The following SEM1 variants were observed in gnomAD, a reference collection of about 807,000 sequenced individuals.
SEM1 encodes 26S proteasome complex subunit SEM1.
A neutral mutation model predicts 12.7 loss-of-function variants in SEM1; 3 were observed. The ratio of observed to expected loss-of-function variants is 0.24; its 90% confidence interval spans 0.11 to 0.61. The LOEUF (loss-of-function observed/expected upper bound fraction) is 0.61, where lower values mean the gene tolerates loss of function less well. Among genes scored for constraint, SEM1 ranks in the 20% least tolerant of loss-of-function variants. SEM1 has a pLI of 0.88. For missense variants in SEM1, 59 were observed against 81.3 expected (o/e 0.73, Z 1.06); for synonymous variants, 30 against 27.8 (o/e 1.08, Z -0.25).
chr7:96,565,509 G>T (rs1805819438), intron 2 of SEM1, among the ~76,000 whole-genome samples: 1 of 151,984 alleles, frequency 6.6e-6, no homozygotes, highest in South Asian at 2.1e-4. Context: ...CTCTGGTTCA[G>T]CTTCAACAGA....
intron 2 of SEM1, among the ~76,000 whole-genome samples, chr7:96,515,206 A>G (rs1324976174): frequency 6.6e-6 from 1 of 152,128 alleles, no homozygotes; most frequent in Non-Finnish European, 1.5e-5. Flanking sequence ...GGATATCCAC[A>G]TGGGCAAAGG....
chr7:96,602,917 A>C (rs988033376), intron 2 of SEM1, among the ~76,000 whole-genome samples: 1 of 152,202 alleles, frequency 6.6e-6, no homozygotes, highest in African/African-American at 2.4e-5. Flanking sequence ...AAGGCAAATA[A>C]ATCAAGGGGA....
chr7:96,497,870 C>A (rs970331851), upstream of SEM1, among the ~76,000 whole-genome samples: 10 of 152,166 alleles, frequency 6.6e-5, no homozygotes, highest in East Asian at 1.7e-3. Flanking sequence ...CAGATGAGGA[C>A]TTCAAACACT....
chr7:96,674,258 T>A (rs1789396883), intron 2 of SEM1, among the ~76,000 whole-genome samples: 1 of 152,214 alleles, frequency 6.6e-6, no homozygotes, highest in South Asian at 2.1e-4. Context: ...TAGGCTTTAC[T>A]TACCAACAAA....
At chr7:96,662,491 G>A (rs917120360) in intron 2 of SEM1, among the ~76,000 whole-genome samples, 25 of 152,106 alleles carry the variant, frequency 1.6e-4, no homozygotes, top group African/African-American at 5.1e-4. Context: ...GACACATGGA[G>A]GTGAACATCA....
chr7:96,652,626 A>C (rs1809036348), intron 2 of SEM1, among the ~76,000 whole-genome samples: 1 of 152,162 alleles, frequency 6.6e-6, no homozygotes, highest in Non-Finnish European at 1.5e-5. Context: ...TAGGTATAAT[A>C]CTATTTAAAA....
intron 2 of SEM1, among the ~76,000 whole-genome samples, chr7:96,545,539 T>C (rs916320291): frequency 6.6e-5 from 10 of 152,118 alleles, no homozygotes; most frequent in African/African-American, 2.4e-4. Flanking sequence ...CACTAAGTTT[T>C]ATGTATTGCT....
In SEM1 at chr7:96,534,315, T is replaced by C. The variant is rs116759793; in HGVS notation, c.171-27617A>G. Among the ~76,000 whole-genome samples, 462 of 152,140 alleles carry C rather than the reference T, an allele frequency of 3.0e-3. 2 individuals are homozygous for C. The highest frequency in any genetic ancestry group is 0.011 in the African/African-American group (439 of 41,538). On this transcript the variant is annotated intron_variant and NMD_transcript_variant, in intron 2 of 3. Transcript: ENST00000466986. ...TGAGCTTGACAGCTTCCCCGATACT[T>C]TAAGGCTTTTCTGATAAGACTGGTG...
At chr7:96,609,392 C>A (rs1027874086) in intron 2 of SEM1, among the ~76,000 whole-genome samples, 1 of 152,100 alleles carries the variant, frequency 6.6e-6, no homozygotes, top group Non-Finnish European at 1.5e-5. Flanking sequence ...ATGAAAATAC[C>A]TTTTTATGTT....
In SEM1 at chr7:96,577,849, T is replaced by C. The variant is rs574378360; in HGVS notation, c.171-71151A>G. On this transcript the variant is annotated intron_variant and NMD_transcript_variant, in intron 2 of 3. Coordinates refer to the SEM1 transcript ENST00000466986. ...ATAAACCACCATGAGCAAGAGTCAA[T>C]AGAATGAAAGGAAAAAAAAAACACC... is the stretch of plus-strand genomic sequence containing the variant. Among the ~76,000 whole-genome samples, 5 of 149,850 alleles carry C rather than the reference T, an allele frequency of 3.3e-5. No individual in the cohort carries two copies. In the South Asian group the frequency reaches 8.5e-4, roughly 25 times the overall value.
intron 2 of SEM1, among the ~76,000 whole-genome samples, chr7:96,576,000 C>T (rs1206839527): frequency 6.6e-6 from 1 of 152,140 alleles, no homozygotes; most frequent in Non-Finnish European, 1.5e-5. Context: ...CCTTAGGAAT[C>T]TTTATGCTAT....
chr7:96,686,361 T>C (rs1006664878), downstream of SEM1, among the ~76,000 whole-genome samples: 9 of 152,112 alleles, frequency 5.9e-5, no homozygotes, highest in African/African-American at 2.2e-4. Context: ...ACTGGATAAC[T>C]ACAAATAACC....
chr7:96,698,636 G>A (rs535656610), intron 1 of SEM1, among the ~76,000 whole-genome samples: 15 of 152,238 alleles, frequency 9.9e-5, no homozygotes, highest in African/African-American at 3.4e-4. Flanking sequence ...CAGCGTATAC[G>A]TGCCACCTTT....
At chr7:96,708,890 T>C (rs368015339) in intron 1 of SEM1, among the ~76,000 whole-genome samples, 1 of 152,216 alleles carries the variant, frequency 6.6e-6, no homozygotes, top group East Asian at 1.9e-4. Flanking sequence ...TCAATAAATG[T>C]TAGCAATTTG....
intron 2 of SEM1, among the ~76,000 whole-genome samples, chr7:96,588,642 G>A (rs1294354213): frequency 6.6e-6 from 1 of 151,704 alleles, no homozygotes; most frequent in African/African-American, 2.4e-5. Context: ...GAAAAAATAG[G>A]CCAGATGTGG....
chr7:96,614,143 G>A (rs909445372), intron 2 of SEM1, among the ~76,000 whole-genome samples: 2 of 152,046 alleles, frequency 1.3e-5, no homozygotes, highest in African/African-American at 4.8e-5. Context: ...ATTCTTATCT[G>A]TATCTACTTG....
chr7:96,527,308 CA>C lies in SEM1; in HGVS notation c.171-20611del, dbSNP rs1283502456. ...AGTTCTGAGACTGATGTAAAAGTTC[CA>C]AAAAAAATATTCTGCGGCAAAGGCC... is the stretch of plus-strand genomic sequence containing the variant. On this transcript the variant is annotated intron_variant and NMD_transcript_variant, in intron 2 of 3. Transcript: ENST00000466986. 4.0e-5 allele frequency among the ~76,000 whole-genome samples: 6 copies of C among 151,846 alleles called. No individual in the cohort carries two copies. The East Asian group carries it at 9.7e-4, about 25-fold the overall frequency.
rs922328989 is a variant in SEM1, at chr7:96,638,870, C to T, written c.171-16227G>A. Among the ~76,000 whole-genome samples the T allele has an allele frequency of 2.0e-5, 3 of 151,954 alleles. No homozygotes were observed. The East Asian group carries it at 5.8e-4, about 29-fold the overall frequency. On this transcript the variant is annotated intron_variant, in intron 2 of 2. Coordinates refer to the SEM1 transcript ENST00000417009. ...GTAAGAGTGTCACTCTATAGCCAGACTTCCTGGATTCAAGCCTGCCTCTGC... is the reference window on the plus strand; with the variant it reads ...GTAAGAGTGTCACTCTATAGCCAGATTTCCTGGATTCAAGCCTGCCTCTGC...
At chr7:96,510,559 T>G (rs556778576) in intron 2 of SEM1, among the ~76,000 whole-genome samples, 1 of 152,188 alleles carries the variant, frequency 6.6e-6, no homozygotes, top group Non-Finnish European at 1.5e-5. Context: ...AGCATGGTTA[T>G]GTAACACATG....
Sources: gnomAD v4.1 joint callset for allele counts (sites outside exome capture counted in the v4.1 genomes callset) on GRCh38, gnomAD v4.1.1 for gene constraint, MANE v1.5 for transcripts, NCBI Gene and HGNC (gene_info 2026-07-23, HGNC 2026-07-21) for gene names.